The following GPC5 variants were observed in gnomAD, a reference collection of about 807,000 sequenced individuals.
GPC5 encodes glypican 5.
GPC5 carries 47 observed loss-of-function variants against 53.9 expected under a neutral mutation model. The observed-to-expected ratio is 0.87, with a 90% CI of 0.69 to 1.11. The LOEUF (loss-of-function observed/expected upper bound fraction) is 1.11. Among genes scored for constraint, GPC5 ranks in the 50% most tolerant of loss-of-function variants. The pLI is 0.00. For synonymous variants in GPC5, 286 were observed against 263.3 expected (o/e 1.09, Z -0.84); for missense variants, 748 against 713.1 (o/e 1.05, Z -0.56).
At chr13:91,670,274 T>C (rs568357891) in intron 2 of GPC5, among the ~76,000 whole-genome samples, 53 of 152,316 alleles carry the variant, frequency 3.5e-4, no homozygotes, top group South Asian at 1.0e-3. Context: ...TGTTTGGCAA[T>C]TGTTAATCTA....
At chr13:91,657,382 A>G (rs1312496441) in intron 2 of GPC5, among the ~76,000 whole-genome samples, 1 of 152,144 alleles carries the variant, frequency 6.6e-6, no homozygotes, top group Non-Finnish European at 1.5e-5. Context: ...GAAAAAGATT[A>G]GCCAGTAGAT....
chr13:92,375,433 A>G (rs2043686116), intron 7 of GPC5, among the ~76,000 whole-genome samples: 1 of 152,204 alleles, frequency 6.6e-6, no homozygotes, highest in Admixed American at 6.5e-5. Context: ...GCCTTTCAGT[A>G]AAGAAATGCT....
intron 7 of GPC5, among the ~76,000 whole-genome samples, chr13:92,699,688 C>T (rs1887667218): frequency 1.3e-5 from 2 of 152,074 alleles, no homozygotes; most frequent in Non-Finnish European, 2.9e-5. Flanking sequence ...GTTATTTTCC[C>T]AGTAGTCATT....
chr13:91,536,729 C>T (rs1195642292), intron 2 of GPC5, among the ~76,000 whole-genome samples: 1 of 152,124 alleles, frequency 6.6e-6, no homozygotes, highest in African/African-American at 2.4e-5. Context: ...AGGGTCCACC[C>T]CAATGTCTCA....
chr13:92,520,366 T>C (rs1174956855), intron 7 of GPC5, among the ~76,000 whole-genome samples: 1 of 152,148 alleles, frequency 6.6e-6, no homozygotes, highest in Admixed American at 6.5e-5. Context: ...TGAACATCGA[T>C]GCAAAAATCC....
chr13:92,083,902 G>C (rs1032866320), intron 6 of GPC5, among the ~76,000 whole-genome samples: 2 of 152,136 alleles, frequency 1.3e-5, no homozygotes, highest in African/African-American at 4.8e-5. Flanking sequence ...ACTGGATAAA[G>C]AAAATGTGGT....
At chr13:91,846,812 T>C (rs2038854347) in intron 5 of GPC5, among the ~76,000 whole-genome samples, 1 of 152,016 alleles carries the variant, frequency 6.6e-6, no homozygotes, top group African/African-American at 2.4e-5. Context: ...TAGTTTTCAA[T>C]GTTTATGGGA....
At chr13:92,535,638 A>G (rs1156392331) in intron 7 of GPC5, among the ~76,000 whole-genome samples, 1 of 150,788 alleles carries the variant, frequency 6.6e-6, no homozygotes, top group Non-Finnish European at 1.5e-5. Context: ...TTTAAGCTTT[A>G]AGACTAGAAT....
chr13:91,827,230 A>T (rs890304947), intron 5 of GPC5, among the ~76,000 whole-genome samples: 1 of 152,006 alleles, frequency 6.6e-6, no homozygotes, highest in African/African-American at 2.4e-5. Flanking sequence ...GAAATTATTT[A>T]AAAATGTATA....
At chr13:92,033,615 C>T (rs2040870641) in intron 6 of GPC5, among the ~76,000 whole-genome samples, 1 of 152,100 alleles carries the variant, frequency 6.6e-6, no homozygotes, top group African/African-American at 2.4e-5. Flanking sequence ...ATATGTAAGA[C>T]GTTAGGGTTT....
At chr13:91,638,705 T>C (rs1313889718) in intron 2 of GPC5, among the ~76,000 whole-genome samples, 1 of 152,202 alleles carries the variant, frequency 6.6e-6, no homozygotes, top group Non-Finnish European at 1.5e-5. Flanking sequence ...ATTGCTTTAA[T>C]GTAGAACTCT....
chr13:92,439,656 T>C (rs1433085395), intron 7 of GPC5, among the ~76,000 whole-genome samples: 1 of 152,032 alleles, frequency 6.6e-6, no homozygotes, highest in Non-Finnish European at 1.5e-5. Flanking sequence ...TTTTTAAAAA[T>C]AGGAACATAA....
At chr13:92,592,474 A>T (rs1199412995) in intron 7 of GPC5, among the ~76,000 whole-genome samples, 1 of 151,256 alleles carries the variant, frequency 6.6e-6, no homozygotes, top group Non-Finnish European at 1.5e-5. Flanking sequence ...TGCCAGGCAA[A>T]TGTTCTAAGT....
At chr13:91,887,561 C>T (rs562446840) in intron 5 of GPC5, among the ~76,000 whole-genome samples, 4 of 152,264 alleles carry the variant, frequency 2.6e-5, no homozygotes, top group African/African-American at 9.6e-5. Flanking sequence ...GCAAATTTTC[C>T]AAACCTTTAT....
intron 7 of GPC5, among the ~76,000 whole-genome samples, chr13:92,357,561 T>C (rs1419494482): frequency 6.6e-6 from 1 of 151,650 alleles, no homozygotes; most frequent in East Asian, 1.9e-4. Context: ...TAGTCCATTC[T>C]CTCATTGCTA....
intron 7 of GPC5, among the ~76,000 whole-genome samples, chr13:92,569,531 T>G (rs1296335064): frequency 1.3e-5 from 2 of 152,128 alleles, no homozygotes. Flanking sequence ...TCTTAGAATG[T>G]CTTGTCTGTG....
At chr13:92,592,262 C>T (rs1883736315) in intron 7 of GPC5, among the ~76,000 whole-genome samples, 1 of 152,170 alleles carries the variant, frequency 6.6e-6, no homozygotes, top group Non-Finnish European at 1.5e-5. Flanking sequence ...CATAAGTACC[C>T]TGACTTTCTT....
At chr13:92,021,251 G>C (rs1594728017) in intron 6 of GPC5, among the ~76,000 whole-genome samples, 1 of 152,198 alleles carries the variant, frequency 6.6e-6, no homozygotes, top group South Asian at 2.1e-4. Context: ...CAGATGAACA[G>C]ATAAAGAAAG....
intron 5 of GPC5, among the ~76,000 whole-genome samples, chr13:91,843,066 C>T (rs1298981148): frequency 5.9e-5 from 9 of 151,974 alleles, no homozygotes; most frequent in Admixed American, 3.9e-4. Context: ...TCTGCCATAG[C>T]CATGAATGTT....
Sources: allele counts gnomAD v4.1 joint callset (sites outside exome capture counted in the v4.1 genomes callset), GRCh38; gene constraint gnomAD v4.1.1; transcripts MANE v1.5; gene names NCBI Gene and HGNC (gene_info 2026-07-23, HGNC 2026-07-21).